The following KLHL31 variants were observed in gnomAD, a reference collection of about 807,000 sequenced individuals.
KLHL31 encodes kelch-like protein 31.
Under a neutral mutation model 47.1 loss-of-function variants are expected in KLHL31, and 32 were observed. The ratio of observed to expected loss-of-function variants is 0.68; its 90% CI spans 0.51 to 0.91. KLHL31 has a LOEUF of 0.91. Ranked by LOEUF, KLHL31 falls within the 40% of genes least tolerant of loss-of-function variation. The probability of loss-of-function intolerance (pLI) is 0.00; values close to 1 mark genes in which losing one functional copy is unlikely to be tolerated. For missense variants in KLHL31, 797 were observed against 819.3 expected, an observed-to-expected ratio of 0.97 and a Z score of 0.33; for synonymous variants, 330 against 325.1, an observed-to-expected ratio of 1.01 and a Z score of -0.16.
chr6:53,660,967 C>T (rs1055785455), intron 1 of KLHL31, among the ~76,000 whole-genome samples: 1 of 152,188 alleles, frequency 6.6e-6, no homozygotes, highest in Non-Finnish European at 1.5e-5. Context: ...GGCTGTCCAT[C>T]TACCCACCCA....
In KLHL31 at chr6:53,649,163, A is replaced by G. The variant is rs1014446568; in HGVS notation, c.*2435T>C. The G allele has an allele frequency of 6.6e-6, 1 of 152,172 alleles. No individual in the cohort carries two copies. Among genetic ancestry groups the G allele is most frequent in the Non-Finnish European group, 1.5e-5 (1 of 67,994 alleles). 9.4% of individuals were successfully genotyped at this position (152,172 alleles called of 1,614,324 possible). On this transcript the variant is annotated 3_prime_UTR_variant, in exon 3 of 3. Coordinates refer to ENST00000370905, the MANE Select transcript of KLHL31 (RefSeq NM_001003760.5). ...TTCACTTACACATGAAAGTGGACACATATTATTTTGATTCTGCATACTTTT... is the reference window on the plus strand; with the variant it reads ...TTCACTTACACATGAAAGTGGACACGTATTATTTTGATTCTGCATACTTTT...
Position 53,651,399 on chromosome 6 carries a change from TAA to T in KLHL31, c.*197_*198del, listed in dbSNP as rs759076475. 2.4e-3 allele frequency: 165 copies of T among 67,448 alleles called. 1 individual carries two copies. Among genetic ancestry groups the T allele is most frequent in the East Asian group, 0.017 (31 of 1,872 alleles). 4.2% of individuals were successfully genotyped at this position (67,448 alleles called of 1,614,324 possible). On this transcript the variant is annotated 3_prime_UTR_variant, in exon 3 of 3. Transcript: ENST00000370905. Reference sequence around the variant, plus strand: ...TGTTGGCCATTGCCCTGTATTTTGCTAAAAAAAAAAAAAAAAAAAAGAGGTAG... The same window carrying T: ...TGTTGGCCATTGCCCTGTATTTTGCTAAAAAAAAAAAAAAAAAAGAGGTAG...
rs1398437674 is a variant in KLHL31 at position 53,662,797 on chromosome 6, A to AT, written c.-34+2803dup. Among the ~76,000 whole-genome samples, 3 of 152,160 alleles carry AT rather than the reference A, an allele frequency of 2.0e-5. No homozygotes were observed. The East Asian group carries it at 5.8e-4, about 29-fold the overall frequency. ...TGGGCAGAATTACGTAAATCATTAC[A>AT]TTTTTCCTCATCTTTTGTATTTGCC... On this transcript the variant is annotated intron_variant, in intron 1 of 2. Coordinates refer to ENST00000370905, the MANE Select transcript of KLHL31 (RefSeq NM_001003760.5).
At chr6:53,657,401 C>T (rs1295575411) in intron 1 of KLHL31, among the ~76,000 whole-genome samples, 1 of 152,198 alleles carries the variant, frequency 6.6e-6, no homozygotes, top group African/African-American at 2.4e-5. Context: ...TTATATCAAA[C>T]AGGTTTATGC....
At chr6:53,664,126 C>T (rs1406475817) in intron 1 of KLHL31, among the ~76,000 whole-genome samples, 2 of 152,090 alleles carry the variant, frequency 1.3e-5, no homozygotes, top group Non-Finnish European at 2.9e-5. Context: ...TACATGGGAT[C>T]TATATGTCTG....
Position 53,652,143 on chromosome 6 carries a change from C to G in KLHL31, c.1360G>C (p.Val454Leu). ...GCGCTAGCGTGGCAGCAGCGCGCCA[C>G]CTCCAGGGGCGTCTTCGGCTGCCAC... ...NQWQPKTPLE[V>L]ARCCHASAVA... Residue 454 changes from valine to leucine, a missense_variant, in exon 3 of 3, where the codon GTG becomes CTG. By Grantham distance (32) the Val-to-Leu change is conservative. Transcript: ENST00000370905. 6.2e-7 allele frequency: 1 copy of G among 1,603,890 alleles called. No individual in the cohort carries two copies. The highest frequency in any genetic ancestry group is 8.5e-7 in the Non-Finnish European group (1 of 1,178,638).
intron 1 of KLHL31, among the ~76,000 whole-genome samples, chr6:53,656,750 G>A (rs1764566772): frequency 6.6e-6 from 1 of 151,714 alleles, no homozygotes; most frequent in Non-Finnish European, 1.5e-5. Flanking sequence ...AACAAGCTAG[G>A]GATCTTGTTT....
chr6:53,655,274 T>C lies in KLHL31; in HGVS notation c.-2A>G, dbSNP rs776743279. Reference sequence around the variant, plus strand: ...GACAATCTTCTTTTTGGGTGCCATGTTGGCAAATACACTGTTACAGGCAAG... The same window carrying C: ...GACAATCTTCTTTTTGGGTGCCATGCTGGCAAATACACTGTTACAGGCAAG... On this transcript the variant is annotated 5_prime_UTR_variant, in exon 2 of 3. Transcript: ENST00000370905. 6.4e-6 allele frequency: 10 copies of C among 1,554,058 alleles called. No homozygotes were observed. The East Asian group carries it at 2.0e-4, about 32-fold the overall frequency.
intron 1 of KLHL31, among the ~76,000 whole-genome samples, chr6:53,660,686 C>A (rs568393705): frequency 6.6e-6 from 1 of 152,264 alleles, no homozygotes; most frequent in South Asian, 2.1e-4. Flanking sequence ...TGGTGGCATG[C>A]ACCTGTAATC....
At chr6:53,659,527 G>A (rs1227724366) in intron 1 of KLHL31, among the ~76,000 whole-genome samples, 1 of 152,164 alleles carries the variant, frequency 6.6e-6, no homozygotes, top group Non-Finnish European at 1.5e-5. Context: ...AGGTTTTGCA[G>A]ATAACATGAA....
intron 1 of KLHL31, among the ~76,000 whole-genome samples, chr6:53,664,853 C>G (rs1489883060): frequency 6.6e-6 from 1 of 152,178 alleles, no homozygotes; most frequent in African/African-American, 2.4e-5. Context: ...GCTCATCAGC[C>G]CTACCTCCAG....
At position 53,648,059 on chromosome 6, in the gene KLHL31, T is replaced by A. The variant is rs549565387; in HGVS notation, c.*3539A>T. 538 of 152,732 alleles carry A rather than the reference T, an allele frequency of 3.5e-3. No individual in the cohort carries two copies. The highest frequency in any genetic ancestry group is 0.012 in the African/African-American group (516 of 41,574). The allele number at this position is 152,732 out of a possible 1,614,324, so 9.5% of individuals were successfully genotyped here. A position where few individuals can be genotyped will look rare whatever the true frequency, so the allele number is the denominator to read the frequency against. On this transcript the variant is annotated 3_prime_UTR_variant, in exon 3 of 3. Transcript: ENST00000370905. ...TTTTTGCCAAAATTTGCTGAATAAA[T>A]AAAAAGTTTTTAAAGAATATCCAGG...
At chr6:53,653,369 A>G (rs557529838) in intron 2 of KLHL31, among the ~76,000 whole-genome samples, 58 of 152,258 alleles carry the variant, frequency 3.8e-4, no homozygotes, top group South Asian at 1.0e-3. Flanking sequence ...ACAAATTTTC[A>G]GATCTTGCTC....
In KLHL31 at chr6:53,655,308, A is replaced by G. The variant is rs1254525844; in HGVS notation, c.-33-3T>C. ...ACACTGTTACAGGCAAGAGCTTGCT[A>G]AAAAGAGAAAAAAAAAAACATGGTT... On this transcript the variant is annotated splice_region_variant and splice_polypyrimidine_tract_variant and intron_variant, in intron 1 of 2. Transcript: ENST00000370905. 2 of 1,338,460 alleles carry G rather than the reference A, an allele frequency of 1.5e-6. No individual in the cohort carries two copies. The highest frequency in any genetic ancestry group is 1.5e-5 in the African/African-American group (1 of 68,332). The allele number at this position is 1,338,460 out of a possible 1,614,324, so 82.9% of individuals were successfully genotyped here. A position where few individuals can be genotyped will look rare whatever the true frequency, so the allele number is the denominator to read the frequency against.
chr6:53,662,131 C>A (rs1007696041), intron 1 of KLHL31, among the ~76,000 whole-genome samples: 8 of 152,106 alleles, frequency 5.3e-5, no homozygotes, highest in African/African-American at 1.9e-4. Flanking sequence ...GGCTTTGACT[C>A]AGGTTATGGT....
intron 2 of KLHL31, 118 bp from the exon 3 acceptor site, chr6:53,652,448 G>T: frequency 8.1e-7 from 1 of 1,231,574 alleles, no homozygotes; most frequent in Non-Finnish European, 1.1e-6. Flanking sequence ...GAGGGACCTG[G>T]CCCAGCACCT....
Position 53,652,219 on chromosome 6 carries a change from G to T in KLHL31, c.1284C>A (p.Asn428Lys), listed in dbSNP as rs774568567. ...NGLVYAAGGR[N>K]AEGSLASLEC... ...CCAGCGAGGCCAGGCTTCCTTCTGC[G>T]TTGCGGCCGCCCGCGGCGTACACGA... The change falls in exon 3 of 3, where the codon AAC becomes AAA. Residue 428 changes from asparagine to lysine, a missense_variant. Transcript: ENST00000370905. 1.9e-6 allele frequency: 3 copies of T among 1,613,550 alleles called. No individual in the cohort carries two copies. The highest frequency in any genetic ancestry group is 1.7e-5 in the Admixed American group (1 of 60,024).
rs1764433553 is a variant in KLHL31 at position 53,649,208 on chromosome 6, G to GCT, written c.*2389_*2390insAG. 6.6e-6 allele frequency: 1 copy of GCT among 152,092 alleles called. No individual in the cohort carries two copies. Among genetic ancestry groups the GCT allele is most frequent in the South Asian group, 2.1e-4 (1 of 4,822 alleles). The allele number at this position is 152,092 out of a possible 1,614,324, so 9.4% of individuals were successfully genotyped here. A position where few individuals can be genotyped will look rare whatever the true frequency, so the allele number is the denominator to read the frequency against. On this transcript the variant is annotated 3_prime_UTR_variant, in exon 3 of 3. Coordinates refer to ENST00000370905, the MANE Select transcript of KLHL31 (RefSeq NM_001003760.5). ...ACTTTTATGTCTTTCAATTGGCAAT[G>GCT]CAAGATGTTCCAGGATATGAAACTT...
intron 2 of KLHL31, among the ~76,000 whole-genome samples, chr6:53,653,384 G>T (rs1167628961): frequency 2.0e-5 from 3 of 152,114 alleles, no homozygotes; most frequent in African/African-American, 7.2e-5. Context: ...TTGCTCATTA[G>T]TTATGTTTGA....
Sources: allele counts gnomAD v4.1 joint callset (sites outside exome capture counted in the v4.1 genomes callset), GRCh38; gene constraint gnomAD v4.1.1; transcripts MANE v1.5; gene names NCBI Gene and HGNC (gene_info 2026-07-23, HGNC 2026-07-21).